ABL1: variants seen among roughly 807,000 people sequenced by gnomAD.
The protein encoded by ABL1 is ABL proto-oncogene 1, non-receptor tyrosine kinase.
ABL1 carries 11 observed loss-of-function variants against 94.7 expected under a neutral mutation model. That is an observed-to-expected ratio of 0.12 (90% CI 0.07 to 0.19). The LOEUF is 0.19. ABL1 is among the 10% of genes least tolerant of loss of function. The probability of loss-of-function intolerance (pLI) is 1.00; values close to 1 mark genes in which losing one functional copy is unlikely to be tolerated. For missense variants in ABL1, 1,082 were observed against 1,489.4 expected (o/e 0.73, Z 4.50); for synonymous variants, 656 against 622.4 (o/e 1.05, Z -0.80).
chr9:130,714,463 C>G, intron 1 of ABL1: 8 of 1,614,164 alleles, frequency 5.0e-6, no homozygotes, highest in Non-Finnish European at 6.8e-6. Context: ...ATGGTGAGTG[C>G]TTTTCAAAAT....
In ABL1 at chr9:130,866,866, C is replaced by A. The variant is rs113946261; in HGVS notation, c.822+3831C>A. Among the ~76,000 whole-genome samples, 370 of 152,240 alleles carry A rather than the reference C, an allele frequency of 2.4e-3. 2 individuals carry two copies. Among genetic ancestry groups the A allele is most frequent in the Middle Eastern group, 0.014 (4 of 294 alleles). ...TCTAATTTTTTTTGAGGTGGGGGAA[C>A]GGGGTCTCACTGTGTTGCCCAGCTG... On this transcript the variant is annotated intron_variant, in intron 4 of 10. Coordinates refer to ENST00000318560, the MANE Select transcript of ABL1 (RefSeq NM_005157.6).
chr9:130,876,197 T>C (rs1475970259), intron 7 of ABL1, among the ~76,000 whole-genome samples: 2 of 151,964 alleles, frequency 1.3e-5, no homozygotes, highest in Admixed American at 6.6e-5. Flanking sequence ...GTTACTGATA[T>C]ACAGTGCCTA....
intron 1 of ABL1, among the ~76,000 whole-genome samples, chr9:130,817,626 A>G (rs1830305119): frequency 6.6e-6 from 1 of 152,216 alleles, no homozygotes; most frequent in Non-Finnish European, 1.5e-5. Flanking sequence ...TCTCATGGCA[A>G]AACTGCTGGT....
intron 2 of ABL1, 63 bp downstream of exon 2, chr9:130,854,300 G>C: frequency 6.4e-7 from 1 of 1,562,970 alleles, no homozygotes; most frequent in Non-Finnish European, 8.7e-7. Context: ...ATTGCGGTTT[G>C]ACCTACCACC....
At chr9:130,730,998 C>CTTTTTTTT (rs11300328) in intron 1 of ABL1, among the ~76,000 whole-genome samples, 3 of 64,464 alleles carry the variant, frequency 4.7e-5, no homozygotes, top group Admixed American at 2.1e-4. Context: ...CTCTATCTCT[C>CTTTTTTTT]TTTTTTTTTT....
At chr9:130,843,157 G>A (rs1830703269) in intron 1 of ABL1, among the ~76,000 whole-genome samples, 1 of 152,232 alleles carries the variant, frequency 6.6e-6, no homozygotes, top group Non-Finnish European at 1.5e-5. Context: ...AGTGCAGGGT[G>A]TTCCACATCT....
rs549180403 is a variant in ABL1, at chr9:130,792,442, A to G, written c.137-61622A>G. Among the ~76,000 whole-genome samples, 5 of 151,914 alleles carry G rather than the reference A, an allele frequency of 3.3e-5. No individual in the cohort carries two copies. The South Asian group carries it at 6.3e-4, about 19-fold the overall frequency. ...ATCTTGATGCTTTTTTTCCCTTTCC[A>G]GTTCCCATCAGCTACTTCCCTACCC... On this transcript the variant is annotated intron_variant, in intron 1 of 10. Transcript: ENST00000372348.
chr9:130,881,833 C>T (rs1248862194), intron 10 of ABL1, among the ~76,000 whole-genome samples: 1 of 149,166 alleles, frequency 6.7e-6, no homozygotes, highest in African/African-American at 2.5e-5. Flanking sequence ...TGTTTACTGA[C>T]AGCAGAATCT....
chr9:130,779,567 T>C (rs867789650), intron 1 of ABL1, among the ~76,000 whole-genome samples: 2 of 152,176 alleles, frequency 1.3e-5, no homozygotes, highest in Admixed American at 1.3e-4. Context: ...CCTCTATACA[T>C]TTAGCCCTTT....
intron 1 of ABL1, among the ~76,000 whole-genome samples, chr9:130,753,860 T>G (rs1319519888): frequency 6.6e-6 from 1 of 152,186 alleles, no homozygotes; most frequent in African/African-American, 2.4e-5. Flanking sequence ...CTGGGTAATG[T>G]TTTTAGCTTG....
chr9:130,835,100 G>A (rs1830544273), upstream of ABL1: 1 of 269,672 alleles, frequency 3.7e-6, no homozygotes, highest in South Asian at 2.8e-5. This position sits in a 1 kb window ranked among gnomAD's most constrained non-coding sequence, Gnocchi z 4.6. Flanking sequence ...ATTGGCCCGG[G>A]TTGGCTTTGG....
chr9:130,721,746 A>G (rs1000363562), intron 1 of ABL1, among the ~76,000 whole-genome samples: 1 of 151,962 alleles, frequency 6.6e-6, no homozygotes, highest in Non-Finnish European at 1.5e-5. Flanking sequence ...AAGTATCTGT[A>G]TACATTAGAA....
intron 1 of ABL1, among the ~76,000 whole-genome samples, chr9:130,728,691 G>GT (rs34768457): frequency 0.26 from 38,255 of 147,236 alleles, 5,082 homozygotes; most frequent in Middle Eastern, 0.42. Flanking sequence ...CGCCCAGCCT[G>GT]TTTTTTTTTT....
chr9:130,849,709 G>A (rs1485930792), intron 1 of ABL1, among the ~76,000 whole-genome samples: 2 of 152,040 alleles, frequency 1.3e-5, no homozygotes, highest in Admixed American at 1.3e-4. Context: ...GTAGAGACGG[G>A]GTTTCACCAT....
intron 1 of ABL1, among the ~76,000 whole-genome samples, chr9:130,827,827 T>C (rs776487148): frequency 1.3e-5 from 2 of 151,492 alleles, no homozygotes; most frequent in Non-Finnish European, 2.9e-5. Context: ...CTGGGAGGCA[T>C]AGCTTGCAGT....
At chr9:130,848,380 C>T (rs2132944622) in intron 1 of ABL1, among the ~76,000 whole-genome samples, 1 of 149,280 alleles carries the variant, frequency 6.7e-6, no homozygotes, top group East Asian at 2.0e-4. Context: ...TAGCCAGGCG[C>T]AGTGGCTCAC....
chr9:130,862,752 G>C lies in ABL1; in HGVS notation c.550-11G>C. 6.2e-7 allele frequency: 1 copy of C among 1,611,932 alleles called. No individual in the cohort carries two copies. Among genetic ancestry groups the C allele is most frequent in the Non-Finnish European group, 8.5e-7 (1 of 1,179,010 alleles). On this transcript the variant is annotated splice_polypyrimidine_tract_variant and intron_variant, in intron 3 of 10. Transcript: ENST00000318560. This position sits in a 1 kb window ranked among gnomAD's most constrained non-coding sequence, Gnocchi z 5.5. ...CTCTGTGGGCTGAAGGCTGTTCCCT[G>C]TTTCCTTCAGCTCTACGTCTCCTCC...
chr9:130,714,449 G>A, exon 1 of ABL1: 1 of 1,614,212 alleles, frequency 6.2e-7, no homozygotes, highest in South Asian at 1.1e-5. Context: ...TGTTTTTGTG[G>A]AACATGGTGA....
intron 2 of ABL1, 23 bp from the exon 3 acceptor site, chr9:130,854,778 T>C: frequency 6.2e-7 from 1 of 1,600,938 alleles, no homozygotes. Context: ...CTGATATGTC[T>C]GATTTGGTTC....
Sources: allele counts gnomAD v4.1 joint callset (sites outside exome capture counted in the v4.1 genomes callset), GRCh38; gene constraint gnomAD v4.1.1; non-coding constraint Gnocchi (gnomAD v3.1); transcripts MANE v1.5; gene names NCBI Gene and HGNC (gene_info 2026-07-23, HGNC 2026-07-21).